MYO15B: variants seen among roughly 807,000 people sequenced by gnomAD.
MYO15B encodes the protein myosin XVB.
MYO15B carries 207 observed loss-of-function variants against 119.3 expected under a neutral mutation model. That is an observed-to-expected ratio of 1.73 (90% CI 1.55 to 1.95). MYO15B has a LOEUF of 1.95. Among genes scored for constraint, MYO15B ranks in the 30% most tolerant of loss-of-function variants. MYO15B has a pLI of 0.00. For missense variants in MYO15B, 2,264 were observed against 1,203.1 expected (o/e 1.88, Z -13.04); for synonymous variants, 966 against 498.9 (o/e 1.94, Z -12.48).
Position 75,626,154 on chromosome 17 carries a change from A to G in MYO15B, c.9139A>G (p.Lys3047Glu), listed in dbSNP as rs749618242. Residue 3047 changes from lysine to glutamate, a missense_variant, in exon 63 of 64, where the codon AAG (lysine) becomes GAG (glutamate). Physicochemically the swap from Lys to Glu is moderately conservative, Grantham distance 56. Coordinates refer to ENST00000645453, the Ensembl canonical transcript of MYO15B. The stretch of plus-strand genomic sequence containing the variant: ...CCACCTGCTAAGCCCTCTGGAGGAG[A>G]AGGGGCCCCCTGGCCTGGAAGTCAA... 14 of 702,896 alleles carry G rather than the reference A, an allele frequency of 2.0e-5. No individual in the cohort carries two copies. The East Asian group carries it at 3.2e-4, about 16-fold the overall frequency. The allele number at this position is 702,896 out of a possible 1,614,324, so 43.5% of individuals were successfully genotyped here.
chr17:75,587,946 T>C, exon 1 of MYO15B: 1 of 396,576 alleles, frequency 2.5e-6, no homozygotes, highest in Non-Finnish European at 4.4e-6. Flanking sequence ...CTGTAGCCCC[T>C]GCGAGAGCAG....
chr17:75,626,503 A>G (rs1598966919), exon 64 of MYO15B: 1 of 703,064 alleles, frequency 1.4e-6, no homozygotes, highest in Non-Finnish European at 2.6e-6. Flanking sequence ...CAGGCCGGGG[A>G]GAGAAGAGGA....
At position 75,589,562 on chromosome 17, in the gene MYO15B, C is replaced by G. The variant is rs2056307668; in HGVS notation, c.1505C>G (p.Ala502Gly). The G allele has an allele frequency of 2.5e-6, 1 of 398,794 alleles. No individual in the cohort carries two copies. Among genetic ancestry groups the G allele is most frequent in the Non-Finnish European group, 4.4e-6 (1 of 226,112 alleles). 24.7% of individuals were successfully genotyped at this position (398,794 alleles called of 1,614,324 possible). Residue 502 changes from alanine to glycine, a missense_variant, in exon 1 of 64, where the codon GCT becomes GGT. Transcript: ENST00000645453. This position sits in a 1 kb window ranked among gnomAD's most constrained non-coding sequence, Gnocchi z 4.2. ...CGGCACCGTCTAGCGTTGCGCCTGG[C>G]TGGCTTAGCAGGGCTGGGGGGTATG...
At chr17:75,594,927 A>G (rs2056754581) in exon 12 of MYO15B, 2 of 703,008 alleles carry the variant, frequency 2.8e-6, no homozygotes, top group East Asian at 5.4e-5. Context: ...CAGGGGAGGG[A>G]GGCAGCATTG....
chr17:75,598,234 C>T (rs1487870033), intron 14 of MYO15B, among the ~76,000 whole-genome samples: 1 of 150,628 alleles, frequency 6.6e-6, no homozygotes. Context: ...TGCCACTACA[C>T]TCCAGCCTGG....
chr17:75,603,441 C>T (rs2147869313), intron 19 of MYO15B, 129 bp downstream of exon 19: 1 of 613,892 alleles, frequency 1.6e-6, no homozygotes, highest in South Asian at 1.9e-5. Context: ...AACCCTCCCT[C>T]TCTCTCCTCG....
At position 75,589,961 on chromosome 17, in the gene MYO15B, T is replaced by G. The variant is rs575578227; in HGVS notation, c.1904T>G (p.Val635Gly). The G allele has an allele frequency of 2.6e-3, 1,018 of 398,692 alleles. 2 individuals are homozygous for G. The highest frequency in any genetic ancestry group is 3.7e-3 in the Non-Finnish European group (831 of 225,996). The allele number at this position is 398,692 out of a possible 1,614,324, so 24.7% of individuals were successfully genotyped here. A position where few individuals can be genotyped will look rare whatever the true frequency, so the allele number is the denominator to read the frequency against. Residue 635 changes from valine (V) to glycine (G), a missense_variant, in exon 1 of 64, where the codon GTG (valine) becomes GGG (glycine). Coordinates refer to ENST00000645453, the Ensembl canonical transcript of MYO15B. The surrounding 1 kb of genome is among the most constrained non-coding windows in gnomAD (Gnocchi z 4.2). ...GAGACCCTCAATGACGAGCCCCCGG[T>G]GCGCTGGGCGCAGGGCTCAGGCCCC...
rs2057993472 is a variant in MYO15B at position 75,611,005 on chromosome 17, TGCTGAGACTGGGACA to T, written c.4446+50_4446+64del. 3 of 702,702 alleles carry T rather than the reference TGCTGAGACTGGGACA, an allele frequency of 4.3e-6. No homozygotes were observed. In the Admixed American group the frequency reaches 6.0e-5, roughly 14 times the overall value. 43.5% of individuals were successfully genotyped at this position (702,702 alleles called of 1,614,324 possible). Reference sequence around the variant, plus strand: ...GGGGTTTTACATGGGGCTATGAACCTGCTGAGACTGGGACAGCTTAGAGGGCTGCCAGGGTGCTAC... The same window carrying T: ...GGGGTTTTACATGGGGCTATGAACCTGCTTAGAGGGCTGCCAGGGTGCTAC... On this transcript the variant is annotated intron_variant, in intron 23 of 63. Coordinates refer to ENST00000645453, the Ensembl canonical transcript of MYO15B.
At chr17:75,601,797 A>G (rs757735882) in intron 15 of MYO15B, among the ~76,000 whole-genome samples, 1 of 152,268 alleles carries the variant, frequency 6.6e-6, no homozygotes, top group Non-Finnish European at 1.5e-5. Flanking sequence ...ACAAGTGGGC[A>G]GAGCACAAGC....
chr17:75,611,851 A>G, intron 24 of MYO15B, 35 bp from the exon 25 acceptor site: 1 of 702,234 alleles, frequency 1.4e-6, no homozygotes, highest in East Asian at 2.7e-5. Flanking sequence ...CCACACCTGG[A>G]TGCTCCTGGG....
chr17:75,610,838 G>A, intron 22 of MYO15B, 62 bp from the exon 23 acceptor site: 1 of 702,350 alleles, frequency 1.4e-6, no homozygotes, highest in Non-Finnish European at 2.6e-6. Flanking sequence ...TTCAGAGCTG[G>A]GGAGGTGCCC....
At chr17:75,624,868 C>T in exon 59 of MYO15B, 1 of 703,022 alleles carries the variant, frequency 1.4e-6, no homozygotes, top group Non-Finnish European at 2.6e-6. Context: ...ACTGGGAGAC[C>T]CCACTGCACT....
chr17:75,613,502 G>A (rs1337254262), intron 28 of MYO15B, 31 bp downstream of exon 28: 1 of 664,740 alleles, frequency 1.5e-6, no homozygotes, highest in East Asian at 2.7e-5. Context: ...AGGCCTCCCA[G>A]GCCTGAAGTG....
At chr17:75,591,063 C>G in intron 3 of MYO15B, 47 bp downstream of exon 3, 1 of 676,646 alleles carries the variant, frequency 1.5e-6, no homozygotes. Flanking sequence ...CCCAGGCAGC[C>G]CAGTCCCTGC....
intron 29 of MYO15B, 195 bp from the exon 30 acceptor site, chr17:75,614,003 TG>T: frequency 1.7e-6 from 1 of 599,630 alleles, no homozygotes; most frequent in Non-Finnish European, 3.0e-6. Context: ...ATGCCCATGC[TG>T]GAGCCCTTGT....
chr17:75,616,016 G>T, intron 36 of MYO15B, 53 bp from the exon 37 acceptor site: 2 of 586,850 alleles, frequency 3.4e-6, no homozygotes, highest in Non-Finnish European at 6.1e-6. Context: ...GAGGGGTGTG[G>T]CGAGTGTGGC....
chr17:75,620,787 G>A (rs1030219023), intron 49 of MYO15B, 151 bp downstream of exon 49: 5 of 701,412 alleles, frequency 7.1e-6, no homozygotes, highest in Admixed American at 2.0e-5. Flanking sequence ...CTGATGGCTC[G>A]CCTTGTCTCT....
Position 75,616,897 on chromosome 17 carries a change from A to AGG in MYO15B, c.6530_6531insGG (p.Ile2178GlufsTer97). 1 of 703,016 alleles carries AGG rather than the reference A, an allele frequency of 1.4e-6. No homozygotes were observed. Among genetic ancestry groups the AGG allele is most frequent in the Non-Finnish European group, 2.6e-6 (1 of 385,018 alleles). The allele number at this position is 703,016 out of a possible 1,614,324, so 43.5% of individuals were successfully genotyped here. On this transcript the variant is annotated frameshift_variant, in exon 40 of 64. Transcript: ENST00000645453. LOFTEE classifies it high-confidence loss of function. ...AGGCCTCCCAAAGCTTTCCTGAGGA[A>AGG]AATCGACCCCAAGGACGAGGCTCTG...
Position 75,623,855 on chromosome 17 carries a change from G to GT in MYO15B, c.8156+2dup. 2 of 586,712 alleles carry GT rather than the reference G, an allele frequency of 3.4e-6. No homozygotes were observed. The highest frequency in any genetic ancestry group is 1.6e-5 in the South Asian group (1 of 63,250). The allele number at this position is 586,712 out of a possible 1,614,324, so 36.3% of individuals were successfully genotyped here. ...AGCAGGTCACGGGACACCCCCGGCC[G>GT]TGAGTGGGGACCGGTGGCTTCTGGG... On this transcript the variant is annotated splice_donor_variant, in intron 54 of 63. Transcript: ENST00000645453. LOFTEE classifies it high-confidence loss of function.
Sources: gnomAD v4.1 joint callset for allele counts (sites outside exome capture counted in the v4.1 genomes callset) on GRCh38, gnomAD v4.1.1 for gene constraint, Gnocchi (gnomAD v3.1) non-coding constraint, MANE v1.5 for transcripts, NCBI Gene and HGNC (gene_info 2026-07-23, HGNC 2026-07-21) for gene names.